Variants in KANK4 observed in about 807,000 individuals in gnomAD.
KANK4 encodes the protein KN motif and ankyrin repeat domain-containing protein 4.
KANK4 carries 50 observed loss-of-function variants against 80.8 expected under a neutral mutation model. That is an observed-to-expected ratio of 0.62 (90% CI 0.49 to 0.78). KANK4 has a LOEUF of 0.78. Ranked by LOEUF, KANK4 falls within the 30% of genes least tolerant of loss-of-function variation. The pLI, the probability that KANK4 is intolerant of heterozygous loss-of-function variation, is 0.00. For synonymous variants in KANK4, 465 were observed against 506.9 expected (o/e 0.92, Z 1.11); for missense variants, 1,196 against 1,240.1 (o/e 0.96, Z 0.53).
intron 1 of KANK4, among the ~76,000 whole-genome samples, chr1:62,306,532 T>C (rs146780473): frequency 6.6e-6 from 1 of 152,294 alleles, no homozygotes; most frequent in African/African-American, 2.4e-5. Context: ...TAACCACCAG[T>C]TCTTGACAGT....
rs1571050643 is a variant in KANK4 at position 62,307,468 on chromosome 1, A to ATCT, written c.-71+11637_-71+11638insAGA. Among the ~76,000 whole-genome samples the ATCT allele has an allele frequency of 3.8e-5, 5 of 129,880 alleles. No individual in the cohort carries two copies. The East Asian group carries it at 1.1e-3, about 30-fold the overall frequency. The allele number at this position is 129,880 out of a possible 152,430, so 85.2% of individuals were successfully genotyped here. A position where few individuals can be genotyped will look rare whatever the true frequency, so the allele number is the denominator to read the frequency against. ...CTGCACTCCAGCCTGGGTGACAGAA[A>ATCT]GAGACTCTGCCAAAAAAAAAAAAAA... is the stretch of plus-strand genomic sequence containing the variant. On this transcript the variant is annotated intron_variant, in intron 1 of 9. Coordinates refer to ENST00000371153, the MANE Select transcript of KANK4 (RefSeq NM_181712.5).
At chr1:62,279,198 G>GCGCGCGCACA (rs1282615199) in intron 2 of KANK4, among the ~76,000 whole-genome samples, 22 of 146,290 alleles carry the variant, frequency 1.5e-4, no homozygotes, top group South Asian at 1.1e-3. Context: ...GCTAGCGCGC[G>GCGCGCGCACA]CACACACACA....
At chr1:62,254,553 A>AT (rs562810470) in intron 7 of KANK4, among the ~76,000 whole-genome samples, 73 of 134,544 alleles carry the variant, frequency 5.4e-4, no homozygotes, top group African/African-American at 1.6e-3. Context: ...AAAACCTGGC[A>AT]TTTTTTTTTT....
chr1:62,314,491 G>A (rs1289102733), intron 1 of KANK4, among the ~76,000 whole-genome samples: 1 of 152,020 alleles, frequency 6.6e-6, no homozygotes, highest in African/African-American at 2.4e-5. Context: ...TGGCGTCTCC[G>A]GGCTGCTGGG....
intron 5 of KANK4, 91 bp downstream of exon 5, chr1:62,268,196 T>C (rs1672071345): frequency 1.4e-5 from 14 of 1,009,928 alleles, no homozygotes; most frequent in South Asian, 1.4e-4. Flanking sequence ...GATGGGTACA[T>C]GAATGAACAA....
chr1:62,244,917 A>T (rs1047516812), intron 9 of KANK4, among the ~76,000 whole-genome samples: 4 of 152,176 alleles, frequency 2.6e-5, no homozygotes, highest in Non-Finnish European at 5.9e-5. Flanking sequence ...AATGCAACAG[A>T]TCCCACAACT....
At chr1:62,285,332 C>T (rs745959056) in intron 1 of KANK4, among the ~76,000 whole-genome samples, 1 of 152,184 alleles carries the variant, frequency 6.6e-6, no homozygotes, top group Non-Finnish European at 1.5e-5. Context: ...GAAACCATTC[C>T]AGCTGGGTCC....
chr1:62,260,105 ATC>A, intron 7 of KANK4, among the ~76,000 whole-genome samples: 1 of 152,128 alleles, frequency 6.6e-6, no homozygotes, highest in African/African-American at 2.4e-5. Flanking sequence ...TCTCCTCAAC[ATC>A]TCTCTGCACT....
Position 62,274,339 on chromosome 1 carries a change from C to G in KANK4, c.765G>C (p.Gln255His), listed in dbSNP as rs372116887. ...LPLPGPPFSFQNVLVVLEDKE... is the reference protein window; with the variant it reads ...LPLPGPPFSFHNVLVVLEDKE... Reference sequence around the variant, plus strand: ...TGTCCTCTAGAACTACAAGCACATTCTGGAATGAGAAAGGAGGGCCTGGGA... The same window carrying G: ...TGTCCTCTAGAACTACAAGCACATTGTGGAATGAGAAAGGAGGGCCTGGGA... The change falls in exon 3 of 10, where the codon CAG becomes CAC. Residue 255 changes from glutamine to histidine, a missense_variant. Transcript: ENST00000371153. 8.7e-6 allele frequency: 14 copies of G among 1,614,046 alleles called. No individual in the cohort carries two copies. In the African/African-American group the frequency reaches 1.9e-4, roughly 22 times the overall value.
chr1:62,247,399 C>A, intron 9 of KANK4, 73 bp downstream of exon 9: 2 of 1,397,770 alleles, frequency 1.4e-6, no homozygotes, highest in South Asian at 1.2e-5. Flanking sequence ...CTCAGCCTCC[C>A]AAAGTGCTGG....
intron 1 of KANK4, among the ~76,000 whole-genome samples, chr1:62,282,324 CT>C (rs1157781157): frequency 6.6e-6 from 1 of 152,184 alleles, no homozygotes; most frequent in Non-Finnish European, 1.5e-5. Context: ...ATTTCCAGGA[CT>C]CTTTCTTCAA....
intron 1 of KANK4, among the ~76,000 whole-genome samples, chr1:62,294,050 T>C (rs1459253886): frequency 1.3e-5 from 2 of 152,264 alleles, no homozygotes; most frequent in East Asian, 1.9e-4. Flanking sequence ...TCTCTTGGTT[T>C]TAAACTGCTT....
At chr1:62,285,690 C>T (rs1211192524) in intron 1 of KANK4, among the ~76,000 whole-genome samples, 2 of 152,060 alleles carry the variant, frequency 1.3e-5, no homozygotes, top group Admixed American at 1.3e-4. Context: ...AGAATTCAAC[C>T]TTACAAAGTC....
intron 7 of KANK4, among the ~76,000 whole-genome samples, chr1:62,255,169 G>A (rs550494525): frequency 2.8e-4 from 42 of 152,232 alleles, no homozygotes; most frequent in Admixed American, 9.2e-4. Context: ...ACAGGCATGA[G>A]CCACGGTGCC....
In KANK4 at chr1:62,306,957, G is replaced by C. The variant is rs538709909; in HGVS notation, c.-71+12149C>G. ...TTTTTAAGCTTAAAAGGATAATAAA[G>C]TAAGATAGTAAACATCTTACAATAC... is the stretch of plus-strand genomic sequence containing the variant. On this transcript the variant is annotated intron_variant, in intron 1 of 9. Transcript: ENST00000371153. 4.6e-5 allele frequency among the ~76,000 whole-genome samples: 7 copies of C among 152,142 alleles called. No individual in the cohort carries two copies. The South Asian group carries it at 1.5e-3, about 32-fold the overall frequency.
intron 1 of KANK4, among the ~76,000 whole-genome samples, chr1:62,313,390 C>T (rs911704996): frequency 6.6e-6 from 1 of 152,096 alleles, no homozygotes; most frequent in African/African-American, 2.4e-5. Context: ...CAGGTCAGCA[C>T]CATTTTATTA....
Position 62,247,330 on chromosome 1 carries a change from G to A in KANK4, c.2883+142C>T. On this transcript the variant is annotated intron_variant, in intron 9 of 9. Coordinates refer to ENST00000371153, the MANE Select transcript of KANK4 (RefSeq NM_181712.5). ...TTTTTTTTTTTTTTTTAAGAGATGG[G>A]GGTCTCCCTATGTTGCCTAGGCTGG... 1.3e-5 allele frequency: 8 copies of A among 639,528 alleles called. No homozygotes were observed. In the South Asian group the frequency reaches 1.6e-4, roughly 12 times the overall value. The allele number at this position is 639,528 out of a possible 1,614,324, so 39.6% of individuals were successfully genotyped here.
intron 7 of KANK4, among the ~76,000 whole-genome samples, chr1:62,255,294 G>A (rs1671727315): frequency 6.6e-6 from 1 of 152,218 alleles, no homozygotes. Flanking sequence ...AGGAGAGGTA[G>A]GGGATCATCA....
chr1:62,287,806 T>G (rs1161770506), intron 1 of KANK4, among the ~76,000 whole-genome samples: 2 of 152,196 alleles, frequency 1.3e-5, no homozygotes, highest in East Asian at 3.8e-4. Flanking sequence ...GACGTGGTGG[T>G]AGGCAAGTCT....
Sources: gnomAD v4.1 joint callset for allele counts (sites outside exome capture counted in the v4.1 genomes callset) on GRCh38, gnomAD v4.1.1 for gene constraint, MANE v1.5 for transcripts, NCBI Gene and HGNC (gene_info 2026-07-23, HGNC 2026-07-21) for gene names.